ACTR3: variants seen among roughly 807,000 people sequenced by gnomAD.
ACTR3 encodes the protein actin-related protein 3.
ACTR3 carries 12 observed loss-of-function variants against 56.8 expected under a neutral mutation model. The observed-to-expected ratio is 0.21, with a 90% CI of 0.14 to 0.34. The LOEUF is 0.34. Ranked by LOEUF, ACTR3 falls within the 10% of genes least tolerant of loss-of-function variation. The probability of loss-of-function intolerance (pLI) is 1.00; values close to 1 mark genes in which losing one functional copy is unlikely to be tolerated. For synonymous variants in ACTR3, 162 were observed against 167.4 expected (o/e 0.97, Z 0.25); for missense variants, 282 against 512.5 (o/e 0.55, Z 4.34).
In ACTR3 at chr2:113,961,687, TA is replaced by T. The variant is rs1439469468; in HGVS notation, c.*4235del. On this transcript the variant is annotated 3_prime_UTR_variant, in exon 12 of 12. Transcript: ENST00000263238. ...TTCAAGTACTGTGCATAAAGATGAATAAATATTCTGTCCTTGGCTTAGTCTA... is the reference window on the plus strand; with the variant it reads ...TTCAAGTACTGTGCATAAAGATGAATAATATTCTGTCCTTGGCTTAGTCTA... 1 of 152,024 alleles carries T rather than the reference TA, an allele frequency of 6.6e-6. No individual in the cohort carries two copies. The highest frequency in any genetic ancestry group is 1.5e-5 in the Non-Finnish European group (1 of 67,890). 9.4% of individuals were successfully genotyped at this position (152,024 alleles called of 1,614,324 possible).
In ACTR3 at chr2:113,959,437, C is replaced by T. The variant is rs963159557; in HGVS notation, c.*1982C>T. 6.6e-6 allele frequency: 1 copy of T among 151,960 alleles called. No homozygotes were observed. The highest frequency in any genetic ancestry group is 1.5e-5 in the Non-Finnish European group (1 of 67,904). 9.4% of individuals were successfully genotyped at this position (151,960 alleles called of 1,614,324 possible). A position where few individuals can be genotyped will look rare whatever the true frequency, so the allele number is the denominator to read the frequency against. On this transcript the variant is annotated 3_prime_UTR_variant, in exon 12 of 12. Coordinates refer to ENST00000263238, the MANE Select transcript of ACTR3 (RefSeq NM_005721.5). Reference sequence around the variant, plus strand: ...ATGGTTGGGTAGTTAAGTGAATAAGCTAGAAAGACATGTTTATAAAGCTAT... The same window carrying T: ...ATGGTTGGGTAGTTAAGTGAATAAGTTAGAAAGACATGTTTATAAAGCTAT...
intron 4 of ACTR3, among the ~76,000 whole-genome samples, chr2:113,930,342 T>G (rs1344531280): frequency 9.9e-5 from 15 of 152,092 alleles, no homozygotes; most frequent in Non-Finnish European, 1.5e-5. Flanking sequence ...TTAGTTGTTT[T>G]GCTTTATATT....
At position 113,928,177 on chromosome 2, in the gene ACTR3, A is replaced by G. The variant is rs976042335; in HGVS notation, c.336+722A>G. The stretch of plus-strand genomic sequence containing the variant: ...CTCCTCGCATTGTAGTTACATCACA[A>G]TTTTTGGTTAAATCAATATTCTGTG... On this transcript the variant is annotated intron_variant, in intron 4 of 11. Transcript: ENST00000263238. Among the ~76,000 whole-genome samples the G allele has an allele frequency of 7.2e-5, 11 of 152,274 alleles. No homozygotes were observed. In the Middle Eastern group the frequency reaches 0.01, roughly 141 times the overall value.
intron 2 of ACTR3, among the ~76,000 whole-genome samples, chr2:113,916,576 T>C (rs894789749): frequency 6.6e-6 from 1 of 152,152 alleles, no homozygotes; most frequent in Non-Finnish European, 1.5e-5. Flanking sequence ...TTTGGTGGGA[T>C]TACAGTTTTA....
chr2:113,945,263 TAGC>T (rs954173380), intron 8 of ACTR3, among the ~76,000 whole-genome samples: 11 of 152,222 alleles, frequency 7.2e-5, no homozygotes, highest in African/African-American at 7.2e-5. Flanking sequence ...GACTTAAAAT[TAGC>T]AGCTCTTCAC....
intron 11 of ACTR3, 53 bp downstream of exon 11, chr2:113,955,759 A>G: frequency 7.0e-7 from 1 of 1,436,848 alleles, no homozygotes; most frequent in Non-Finnish European, 9.6e-7. Flanking sequence ...TATTTTATTT[A>G]TTTTTGAGGT....
chr2:113,899,493 G>C (rs1350070424), intron 1 of ACTR3, among the ~76,000 whole-genome samples: 1 of 152,194 alleles, frequency 6.6e-6, no homozygotes, highest in Non-Finnish European at 1.5e-5. Flanking sequence ...GAGGTTTACA[G>C]TTTAGTTTCA....
At position 113,890,181 on chromosome 2, in the gene ACTR3, C is replaced by A; in HGVS notation, c.-99C>A. The A allele has an allele frequency of 6.7e-7, 1 of 1,490,250 alleles. No homozygotes were observed. Among genetic ancestry groups the A allele is most frequent in the Non-Finnish European group, 9.2e-7 (1 of 1,092,006 alleles). 92.3% of individuals were successfully genotyped at this position (1,490,250 alleles called of 1,614,324 possible). A position where few individuals can be genotyped will look rare whatever the true frequency, so the allele number is the denominator to read the frequency against. Reference sequence around the variant, plus strand: ...CCCCCGGACGGTGAAGGCGGCCCAGCTGTGGATGGTCAGATAGCCCTTGTC... The same window carrying A: ...CCCCCGGACGGTGAAGGCGGCCCAGATGTGGATGGTCAGATAGCCCTTGTC... On this transcript the variant is annotated 5_prime_UTR_variant, in exon 1 of 12. In the 5' UTR this introduces an upstream ATG that the reference lacks. Transcript: ENST00000263238.
chr2:113,942,469 A>G, intron 8 of ACTR3, 110 bp downstream of exon 8: 5 of 722,548 alleles, frequency 6.9e-6, no homozygotes, highest in South Asian at 5.6e-5. Context: ...TAAAAGTTTG[A>G]GTTTTTATGA....
intron 1 of ACTR3, among the ~76,000 whole-genome samples, chr2:113,899,445 T>C (rs901963433): frequency 5.3e-5 from 8 of 152,210 alleles, no homozygotes; most frequent in African/African-American, 9.6e-5. Context: ...CTGAACACTA[T>C]GGTATATACA....
At chr2:113,890,073 C>G, upstream of ACTR3, 1 of 596,556 alleles carries the variant, frequency 1.7e-6, no homozygotes, top group Admixed American at 2.6e-5. Context: ...AGGGCGGGGA[C>G]TGCCTGCCTG....
intron 3 of ACTR3, among the ~76,000 whole-genome samples, chr2:113,925,513 A>G (rs6757220): frequency 6.6e-6 from 1 of 152,020 alleles, no homozygotes; most frequent in Non-Finnish European, 1.5e-5. Context: ...TATTTTTTTT[A>G]AAAACCTGTA....
In ACTR3 at chr2:113,960,741, C is replaced by T. The variant is rs1680310813; in HGVS notation, c.*3286C>T. 1 of 151,950 alleles carries T rather than the reference C, an allele frequency of 6.6e-6. No homozygotes were observed. Among genetic ancestry groups the T allele is most frequent in the African/African-American group, 2.4e-5 (1 of 41,414 alleles). The allele number at this position is 151,950 out of a possible 1,614,324, so 9.4% of individuals were successfully genotyped here. ...TCTTTCGTAGTTCATAGTCACCAGG[C>T]ATGAGTACCTTGGATAGCCCTCTGA... On this transcript the variant is annotated 3_prime_UTR_variant, in exon 12 of 12. Coordinates refer to ENST00000263238, the MANE Select transcript of ACTR3 (RefSeq NM_005721.5).
At chr2:113,916,649 G>A (rs1679410228) in intron 2 of ACTR3, among the ~76,000 whole-genome samples, 1 of 152,078 alleles carries the variant, frequency 6.6e-6, no homozygotes, top group African/African-American at 2.4e-5. Context: ...TCCCACAGAT[G>A]TTGTTTTTCT....
rs946472232 is a variant in ACTR3, at chr2:113,958,784, A to G, written c.*1329A>G. On this transcript the variant is annotated 3_prime_UTR_variant, in exon 12 of 12. Transcript: ENST00000263238. ...GGAAATGTTTTATAGGCTTTTTACTAGCAGTATCAGTGAACACTTGAACTC... is the reference window on the plus strand; with the variant it reads ...GGAAATGTTTTATAGGCTTTTTACTGGCAGTATCAGTGAACACTTGAACTC... 3.3e-5 allele frequency: 5 copies of G among 152,020 alleles called. No homozygotes were observed. The highest frequency in any genetic ancestry group is 7.4e-5 in the Non-Finnish European group (5 of 67,906). 9.4% of individuals were successfully genotyped at this position (152,020 alleles called of 1,614,324 possible).
At chr2:113,937,941 C>G (rs1265454993) in intron 6 of ACTR3, among the ~76,000 whole-genome samples, 1 of 152,026 alleles carries the variant, frequency 6.6e-6, no homozygotes, top group Non-Finnish European at 1.5e-5. Flanking sequence ...TTCTCTTCCT[C>G]TTTTCTCTCC....
intron 3 of ACTR3, among the ~76,000 whole-genome samples, chr2:113,920,300 C>G (rs1275231593): frequency 6.6e-6 from 1 of 152,118 alleles, no homozygotes; most frequent in Non-Finnish European, 1.5e-5. Flanking sequence ...TCAAGTGACC[C>G]TCCCATGTTG....
Position 113,958,849 on chromosome 2 carries a change from C to T in ACTR3, c.*1394C>T, listed in dbSNP as rs1680270941. On this transcript the variant is annotated 3_prime_UTR_variant, in exon 12 of 12. Coordinates refer to ENST00000263238, the MANE Select transcript of ACTR3 (RefSeq NM_005721.5). ...ATAACACGTTAGGATTGGAATACGT[C>T]TATTCAAAAGTGAAAGAATATAAAG... 6.6e-6 allele frequency: 1 copy of T among 151,896 alleles called. No homozygotes were observed. Among genetic ancestry groups the T allele is most frequent in the Admixed American group, 6.6e-5 (1 of 15,234 alleles). The allele number at this position is 151,896 out of a possible 1,614,324, so 9.4% of individuals were successfully genotyped here. A position where few individuals can be genotyped will look rare whatever the true frequency, so the allele number is the denominator to read the frequency against.
chr2:113,949,419 CATGCCTAATA>C (rs1305666825), intron 8 of ACTR3, among the ~76,000 whole-genome samples: 1 of 146,494 alleles, frequency 6.8e-6, no homozygotes, highest in Non-Finnish European at 1.5e-5. Context: ...AAAATTGACA[CATGCCTAATA>C]ATTATCAATA....
Sources: allele counts gnomAD v4.1 joint callset (sites outside exome capture counted in the v4.1 genomes callset), GRCh38; gene constraint gnomAD v4.1.1; transcripts MANE v1.5; gene names NCBI Gene and HGNC (gene_info 2026-07-23, HGNC 2026-07-21).